The following FUT8 variants were observed in gnomAD, a reference collection of about 807,000 sequenced individuals.
The protein encoded by FUT8 is fucosyltransferase 8.
FUT8 carries 29 observed loss-of-function variants against 71.3 expected under a neutral mutation model. That is an observed-to-expected ratio of 0.41 (90% CI 0.30 to 0.55). The LOEUF is 0.55. FUT8 is among the 20% of genes least tolerant of loss of function. The probability of loss-of-function intolerance (pLI) is 0.34; values close to 1 mark genes in which losing one functional copy is unlikely to be tolerated. For missense variants in FUT8, 544 were observed against 702.1 expected, an observed-to-expected ratio of 0.77 and a Z score of 2.55; for synonymous variants, 254 against 239.3, an observed-to-expected ratio of 1.06 and a Z score of -0.57.
chr14:65,681,850 C>T (rs2140410441), intron 7 of FUT8, among the ~76,000 whole-genome samples: 1 of 152,234 alleles, frequency 6.6e-6, no homozygotes, highest in East Asian at 1.9e-4. Context: ...AAGTAACTTG[C>T]CAGAGGTAGT....
intron 3 of FUT8, among the ~76,000 whole-genome samples, chr14:65,585,043 A>AC (rs1555373424): frequency 1.9e-4 from 1 of 5,200 alleles, no homozygotes; most frequent in Admixed American, 1.7e-3. Flanking sequence ...TAATTTATTT[A>AC]AACAGATCTG....
chr14:65,657,099 T>G (rs1891720122), intron 6 of FUT8, among the ~76,000 whole-genome samples: 1 of 152,114 alleles, frequency 6.6e-6, no homozygotes, highest in South Asian at 2.1e-4. Context: ...TGGGTAAAGA[T>G]TTCTTAAGTA....
the FUT8 span, among the ~76,000 whole-genome samples, chr14:65,374,169 A>G: frequency 9.9e-5 from 15 of 152,144 alleles, no homozygotes; most frequent in African/African-American, 3.6e-4. Flanking sequence ...GTCTTTGTCT[A>G]ATGCTCTGTT....
At chr14:65,645,329 C>G (rs1462234087) in intron 6 of FUT8, among the ~76,000 whole-genome samples, 1 of 152,190 alleles carries the variant, frequency 6.6e-6, no homozygotes, top group Non-Finnish European at 1.5e-5. Context: ...GCTTGATGCT[C>G]TCTATAATAC....
chr14:65,514,342 G>C (rs1392409447), intron 2 of FUT8, among the ~76,000 whole-genome samples: 1 of 152,178 alleles, frequency 6.6e-6, no homozygotes, highest in African/African-American at 2.4e-5. Flanking sequence ...CTCAAGGCAG[G>C]GTTGTCCCAG....
the FUT8 span, among the ~76,000 whole-genome samples, chr14:65,375,898 C>T: frequency 9.0e-6 from 1 of 111,450 alleles, no homozygotes; most frequent in Non-Finnish European, 2.0e-5. Context: ...CAAGACCAGC[C>T]TGACCAACAT....
At chr14:65,401,457 A>C in the FUT8 span, among the ~76,000 whole-genome samples, 4 of 152,190 alleles carry the variant, frequency 2.6e-5, 1 homozygote, top group African/African-American at 9.7e-5. Flanking sequence ...GAAGAAAGAG[A>C]TATGCGGGCC....
At chr14:65,728,512 C>T in intron 9 of FUT8, among the ~76,000 whole-genome samples, 1 of 152,150 alleles carries the variant, frequency 6.6e-6, no homozygotes, top group East Asian at 1.9e-4. Flanking sequence ...CCCAGCCAAA[C>T]CATATCATTA....
intron 2 of FUT8, among the ~76,000 whole-genome samples, chr14:65,463,902 A>G (rs1371613585): frequency 1.3e-5 from 2 of 152,226 alleles, no homozygotes; most frequent in Non-Finnish European, 2.9e-5. Flanking sequence ...TTTATGGTGT[A>G]TAGTCTTCAC....
At chr14:65,626,431 G>C (rs2140253450) in intron 5 of FUT8, among the ~76,000 whole-genome samples, 1 of 152,180 alleles carries the variant, frequency 6.6e-6, no homozygotes, top group South Asian at 2.1e-4. Context: ...TCTGATTTTT[G>C]GATATTTACA....
chr14:65,440,196 G>T (rs766168446), intron 1 of FUT8, among the ~76,000 whole-genome samples: 22 of 151,802 alleles, frequency 1.4e-4, no homozygotes, highest in Non-Finnish European at 2.5e-4. Context: ...ATTACCAGGA[G>T]CTGTCAGCTG....
intron 6 of FUT8, among the ~76,000 whole-genome samples, chr14:65,650,239 C>T (rs1239098752): frequency 4.0e-5 from 5 of 126,324 alleles, no homozygotes; most frequent in African/African-American, 1.5e-4. Context: ...GCGGAGCTTG[C>T]AGTGAGCCGA....
rs78285837 is a variant in FUT8 at position 65,560,403 on chromosome 14, C to T, written c.-227-934C>T. ...ACCATCTTGCCAGATTGGTCTCAAA[C>T]TCTGGGTTCAAGCAATTCTCCCGCC... is the stretch of plus-strand genomic sequence containing the variant. On this transcript the variant is annotated intron_variant, in intron 2 of 10. Transcript: ENST00000673929. Among the ~76,000 whole-genome samples, 872 of 152,120 alleles carry T rather than the reference C, an allele frequency of 5.7e-3. 30 individuals are homozygous for T. The East Asian group carries it at 0.093, about 16-fold the overall frequency.
rs2066151515 is a variant in FUT8 at position 65,471,817 on chromosome 14, A to G, written c.-228+16099A>G. Among the ~76,000 whole-genome samples the G allele has an allele frequency of 4.0e-5, 6 of 151,698 alleles. No homozygotes were observed. The South Asian group carries it at 1.3e-3, about 32-fold the overall frequency. The stretch of plus-strand genomic sequence containing the variant: ...TGAATTACAAGCTCTTTACAACTGT[A>G]CTTAAGGTTATTTTTTGACCATTTT... On this transcript the variant is annotated intron_variant, in intron 2 of 10. Transcript: ENST00000673929.
At chr14:65,583,320 C>CACA (rs1198994635) in intron 3 of FUT8, among the ~76,000 whole-genome samples, 3 of 152,084 alleles carry the variant, frequency 2.0e-5, no homozygotes, top group Non-Finnish European at 1.5e-5. Context: ...CAGCTGAGAC[C>CACA]ACAGGCACAT....
chr14:65,583,804 T>G (rs1288115177), intron 3 of FUT8, among the ~76,000 whole-genome samples: 2 of 152,240 alleles, frequency 1.3e-5, no homozygotes, highest in African/African-American at 4.8e-5. Flanking sequence ...TCATCTTTGT[T>G]GTGTAGAATA....
At chr14:65,511,093 G>A (rs1037944043) in intron 2 of FUT8, among the ~76,000 whole-genome samples, 1 of 151,776 alleles carries the variant, frequency 6.6e-6, no homozygotes, top group Non-Finnish European at 1.5e-5. Flanking sequence ...CATAGGTTTT[G>A]GTATATTATG....
the FUT8 span, among the ~76,000 whole-genome samples, chr14:65,377,668 C>T: frequency 6.6e-6 from 1 of 152,082 alleles, no homozygotes; most frequent in African/African-American, 2.4e-5. Flanking sequence ...ATCCTCTTTA[C>T]AGTGTTACTG....
At chr14:65,412,573 G>T, upstream of FUT8, 1 of 346,356 alleles carries the variant, frequency 2.9e-6, no homozygotes, top group Non-Finnish European at 5.7e-6. Context: ...CCGCGGCTCT[G>T]CTAGGCGGTG....
Sources: allele counts gnomAD v4.1 joint callset (sites outside exome capture counted in the v4.1 genomes callset), GRCh38; gene constraint gnomAD v4.1.1; transcripts MANE v1.5; gene names NCBI Gene and HGNC (gene_info 2026-07-23, HGNC 2026-07-21).